The following BRAF variants were observed in gnomAD, a reference collection of about 807,000 sequenced individuals.
BRAF encodes B-Raf proto-oncogene, serine/threonine kinase, also known as serine/threonine-protein kinase B-raf.
A neutral mutation model predicts 104.6 loss-of-function variants in BRAF; 16 were observed. That is an observed-to-expected ratio of 0.15 (90% CI 0.10 to 0.23). The LOEUF (loss-of-function observed/expected upper bound fraction) is 0.23. Ranked by LOEUF, BRAF falls within the 10% of genes least tolerant of loss-of-function variation. The pLI is 1.00. For synonymous variants in BRAF, 310 were observed against 341.6 expected (o/e 0.91, Z 1.02); for missense variants, 541 against 937.3 (o/e 0.58, Z 5.52).
chr7:140,874,861 C>T (rs2129097111), intron 1 of BRAF, among the ~76,000 whole-genome samples: 1 of 152,238 alleles, frequency 6.6e-6, no homozygotes, highest in South Asian at 2.1e-4. Flanking sequence ...AACACCATCC[C>T]CCTTAGTGCT....
rs554007056 is a variant in BRAF, at chr7:140,841,604, G to C, written c.241-6732C>G. ...CATACTACTACATAAACAAACTTTG[G>C]AAACATTACATTAAGTAAAAGCAGC... On this transcript the variant is annotated intron_variant, in intron 2 of 19. Coordinates refer to ENST00000644969, the MANE Select transcript of BRAF (RefSeq NM_001374258.1). Among the ~76,000 whole-genome samples the C allele has an allele frequency of 1.1e-4, 16 of 152,142 alleles. No homozygotes were observed. The South Asian group carries it at 1.5e-3, about 14-fold the overall frequency.
At chr7:140,747,594 T>A (rs960371755) in intron 17 of BRAF, 1 of 303,772 alleles carries the variant, frequency 3.3e-6, no homozygotes, top group Non-Finnish European at 6.2e-6. Flanking sequence ...AGATCTTAGG[T>A]TCATAAATTT....
At chr7:140,810,622 T>C (rs1348087679) in intron 3 of BRAF, among the ~76,000 whole-genome samples, 1 of 152,126 alleles carries the variant, frequency 6.6e-6, no homozygotes, top group Non-Finnish European at 1.5e-5. Flanking sequence ...GGTAAAAGTT[T>C]GTCATGAGAG....
At chr7:140,733,885 T>TA (rs34950866) in intron 19 of BRAF, 11 of 640,616 alleles carry the variant, frequency 1.7e-5, no homozygotes, top group East Asian at 2.0e-4. Context: ...TAATGTATTT[T>TA]AAAAAAAGCT....
chr7:140,835,098 A>C (rs995083011), intron 2 of BRAF: 1 of 570,322 alleles, frequency 1.8e-6, no homozygotes, highest in Non-Finnish European at 3.1e-6. Flanking sequence ...GATAAATTTG[A>C]CCTATACATA....
intron 14 of BRAF, among the ~76,000 whole-genome samples, chr7:140,758,724 G>C (rs928022755): frequency 2.6e-5 from 4 of 152,222 alleles, no homozygotes; most frequent in African/African-American, 9.6e-5. Context: ...CGAAGTGCTA[G>C]AATTATAGGT....
intron 12 of BRAF, chr7:140,780,704 G>A (rs1390736864): frequency 1.3e-5 from 2 of 152,078 alleles, no homozygotes; most frequent in East Asian, 1.9e-4. Context: ...AATCACATAT[G>A]ATGGTATAAA....
chr7:140,782,875 C>T, intron 11 of BRAF, 146 bp downstream of exon 10: 1 of 1,062,554 alleles, frequency 9.4e-7, no homozygotes, highest in Non-Finnish European at 1.3e-6. Flanking sequence ...ATGCTTTAAG[C>T]AAAAAACTAT....
chr7:140,713,430 C>G, the BRAF span, among the ~76,000 whole-genome samples: 1 of 151,882 alleles, frequency 6.6e-6, no homozygotes, highest in Non-Finnish European at 1.5e-5. Context: ...GCATTCGTCA[C>G]GTAGCTCTCG....
intron 19 of BRAF, among the ~76,000 whole-genome samples, chr7:140,729,062 CAAAAAAAAAAA>C (rs764302395): frequency 5.5e-4 from 36 of 65,906 alleles, no homozygotes; most frequent in African/African-American, 1.6e-3. Context: ...GCTGTCTCTC[CAAAAAAAAAAA>C]AAAAAAAAAA....
chr7:140,864,355 T>A (rs1164562707), intron 1 of BRAF, among the ~76,000 whole-genome samples: 1 of 152,220 alleles, frequency 6.6e-6, no homozygotes, highest in African/African-American at 2.4e-5. Flanking sequence ...GAAATTCTGA[T>A]GTGTGCAACG....
intron 1 of BRAF, among the ~76,000 whole-genome samples, chr7:140,893,429 T>C (rs1271775167): frequency 1.3e-5 from 2 of 152,038 alleles, no homozygotes; most frequent in Non-Finnish European, 2.9e-5. Context: ...TTTTGTATTT[T>C]CAGTGGAGAC....
At chr7:140,777,848 A>C in intron 13 of BRAF, 143 bp downstream of exon 12, 3 of 862,244 alleles carry the variant, frequency 3.5e-6, no homozygotes, top group Non-Finnish European at 5.6e-6. Flanking sequence ...GGTTAAAGAC[A>C]AAAATATACT....
At position 140,719,860 on chromosome 7, in the gene BRAF, C is replaced by A. The variant is rs1422670580; in HGVS notation, c.*6634G>T. 2.8e-6 allele frequency: 3 copies of A among 1,062,860 alleles called. No homozygotes were observed. Among genetic ancestry groups the A allele is most frequent in the South Asian group, 4.6e-5 (1 of 21,946 alleles). The allele number at this position is 1,062,860 out of a possible 1,614,324, so 65.8% of individuals were successfully genotyped here. On this transcript the variant is annotated 3_prime_UTR_variant, in exon 20 of 20. Coordinates refer to ENST00000644969, the MANE Select transcript of BRAF (RefSeq NM_001374258.1). The stretch of plus-strand genomic sequence containing the variant: ...GAACCTTTTCAATGCTTGAGTGGAA[C>A]TGAAGTGTACTAAACCCGAACCTTT...
chr7:140,746,503 CT>C (rs568090712), intron 17 of BRAF, among the ~76,000 whole-genome samples: 2 of 152,044 alleles, frequency 1.3e-5, no homozygotes, highest in Non-Finnish European at 2.9e-5. Flanking sequence ...GGAAGAAATT[CT>C]TAGCCGAATT....
chr7:140,874,390 C>T lies in BRAF; in HGVS notation c.139-24178G>A, dbSNP rs564530127. On this transcript the variant is annotated intron_variant, in intron 1 of 19. Transcript: ENST00000644969. ...CTAATTTTTGTATTTTCAGTAGAGA[C>T]GGGGTTTCATCACGTTGGCCAGGAT... is the stretch of plus-strand genomic sequence containing the variant. Among the ~76,000 whole-genome samples the T allele has an allele frequency of 2.6e-5, 4 of 151,650 alleles. No individual in the cohort carries two copies. In the East Asian group the frequency reaches 5.8e-4, roughly 22 times the overall value.
chr7:140,830,549 T>A (rs1806611410), intron 3 of BRAF, among the ~76,000 whole-genome samples: 1 of 152,168 alleles, frequency 6.6e-6, no homozygotes, highest in Non-Finnish European at 1.5e-5. Flanking sequence ...GGTAGGAGCA[T>A]CTTTTGTTCC....
chr7:140,841,012 G>A lies in BRAF; in HGVS notation c.241-6140C>T, dbSNP rs1394027809. On this transcript the variant is annotated intron_variant, in intron 2 of 19. Transcript: ENST00000644969. The stretch of plus-strand genomic sequence containing the variant: ...TTACAGGTGTGAGCCACCATGCCTG[G>A]CCTAAAGAACTCTTACAACTCAGTA... 3.3e-5 allele frequency among the ~76,000 whole-genome samples: 5 copies of A among 151,974 alleles called. No individual in the cohort carries two copies. In the East Asian group the frequency reaches 9.8e-4, roughly 30 times the overall value.
chr7:140,812,275 A>G (rs1804364863), intron 3 of BRAF, among the ~76,000 whole-genome samples: 1 of 151,966 alleles, frequency 6.6e-6, no homozygotes, highest in Non-Finnish European at 1.5e-5. Flanking sequence ...AAAATTTCAT[A>G]GGGTTTGTGG....
Sources: gnomAD v4.1 joint callset for allele counts (sites outside exome capture counted in the v4.1 genomes callset) on GRCh38, gnomAD v4.1.1 for gene constraint, MANE v1.5 for transcripts, NCBI Gene and HGNC (gene_info 2026-07-23, HGNC 2026-07-21) for gene names.